PRKAG2: variants seen among roughly 807,000 people sequenced by gnomAD.
The protein encoded by PRKAG2 is 5'-AMP-activated protein kinase subunit gamma-2.
In PRKAG2, 26 loss-of-function variants were observed where a neutral mutation model predicts 69.6. The ratio of observed to expected loss-of-function variants is 0.37; its 90% confidence interval spans 0.27 to 0.52. The LOEUF (loss-of-function observed/expected upper bound fraction) is 0.52, where lower values mean the gene tolerates loss of function less well. Among genes scored for constraint, PRKAG2 ranks in the 20% least tolerant of loss-of-function variants. The probability of loss-of-function intolerance (pLI) is 0.90; values close to 1 mark genes in which losing one functional copy is unlikely to be tolerated. For missense variants in PRKAG2, 557 were observed against 740.0 expected (o/e 0.75, Z 2.87); for synonymous variants, 293 against 285.0 (o/e 1.03, Z -0.28).
At chr7:151,720,925 G>A (rs2032448118) in intron 3 of PRKAG2, among the ~76,000 whole-genome samples, 2 of 139,528 alleles carry the variant, frequency 1.4e-5, no homozygotes, top group South Asian at 5.1e-4. Context: ...AATGGAGGGG[G>A]ATGGAGAGGG....
rs1487633600 is a variant in PRKAG2, at chr7:151,780,890, T to C, written c.466+262A>G. 6.6e-6 allele frequency among the ~76,000 whole-genome samples: 1 copy of C among 152,212 alleles called. No individual in the cohort carries two copies. The highest frequency in any genetic ancestry group is 1.5e-5 in the Non-Finnish European group (1 of 68,036). On this transcript the variant is annotated intron_variant, in intron 3 of 15. Transcript: ENST00000287878. This position sits in a 1 kb window ranked among gnomAD's most constrained non-coding sequence, Gnocchi z 4.2. ...GCTGTACTGTGAGTATCAGGATGTT[T>C]ACAGTTAACCCAAGGACCTTGCTGG...
intron 5 of PRKAG2, among the ~76,000 whole-genome samples, chr7:151,608,526 C>A (rs1182657696): frequency 1.3e-5 from 2 of 152,110 alleles, no homozygotes; most frequent in African/African-American, 4.8e-5. Context: ...ATAATCCAGG[C>A]CCCTGGAAGG....
intron 4 of PRKAG2, among the ~76,000 whole-genome samples, chr7:151,671,543 G>C (rs1021043019): frequency 6.6e-6 from 1 of 151,174 alleles, no homozygotes. Flanking sequence ...AGAATGTAAT[G>C]ATATGTTCTC....
At chr7:151,621,354 G>A (rs1345165198) in intron 5 of PRKAG2, among the ~76,000 whole-genome samples, 15 of 152,030 alleles carry the variant, frequency 9.9e-5, no homozygotes, top group Non-Finnish European at 5.9e-5. Flanking sequence ...TGTAGCAGAA[G>A]AGGAATAAGA....
At chr7:151,767,098 T>A (rs142240004) in intron 3 of PRKAG2, among the ~76,000 whole-genome samples, 1 of 152,256 alleles carries the variant, frequency 6.6e-6, no homozygotes, top group South Asian at 2.1e-4. Context: ...GACATGTGCA[T>A]GGAAAAACCT....
At chr7:151,596,577 C>T (rs1368390395) in intron 5 of PRKAG2, among the ~76,000 whole-genome samples, 5 of 151,920 alleles carry the variant, frequency 3.3e-5, no homozygotes, top group African/African-American at 7.3e-5. Flanking sequence ...GGAGAAACCC[C>T]GTCTCTACTA....
chr7:151,681,955 C>G (rs12535248), intron 3 of PRKAG2, among the ~76,000 whole-genome samples: 40,898 of 152,120 alleles, frequency 0.27, 6,481 homozygotes, highest in Middle Eastern at 0.37. Flanking sequence ...GAGAAGGGCA[C>G]AGAGACGGAG....
At chr7:151,671,902 G>GA (rs1457410716) in intron 4 of PRKAG2, among the ~76,000 whole-genome samples, 1 of 152,214 alleles carries the variant, frequency 6.6e-6, no homozygotes, top group Non-Finnish European at 1.5e-5. Flanking sequence ...TGTAAGTGGG[G>GA]AGCCTTGGGC....
intron 4 of PRKAG2, among the ~76,000 whole-genome samples, chr7:151,659,929 C>T (rs1043587847): frequency 6.6e-6 from 1 of 152,238 alleles, no homozygotes; most frequent in African/African-American, 2.4e-5. Context: ...CGTGGTAGTG[C>T]ATGCCTGTAG....
At chr7:151,596,744 C>CA (rs144906522) in intron 5 of PRKAG2, among the ~76,000 whole-genome samples, 22,972 of 149,682 alleles carry the variant, frequency 0.15, 1,852 homozygotes, top group East Asian at 0.26. Flanking sequence ...GTGAGACTGT[C>CA]AAAAAAATAA....
intron 1 of PRKAG2, among the ~76,000 whole-genome samples, chr7:151,864,492 G>C (rs1012773241): frequency 6.6e-6 from 1 of 152,194 alleles, no homozygotes; most frequent in African/African-American, 2.4e-5. Context: ...CCCTAGAGGG[G>C]AGGTCTCCTG....
chr7:151,700,722 C>T (rs570669441), intron 3 of PRKAG2, among the ~76,000 whole-genome samples: 12 of 151,200 alleles, frequency 7.9e-5, no homozygotes, highest in Admixed American at 7.3e-4. Flanking sequence ...GCGTCCCAGG[C>T]CCTGGAGAAG....
At chr7:151,831,039 C>T (rs1054940607) in intron 1 of PRKAG2, among the ~76,000 whole-genome samples, 2 of 152,048 alleles carry the variant, frequency 1.3e-5, no homozygotes, top group Non-Finnish European at 2.9e-5. Flanking sequence ...GACACCACTT[C>T]ACACCCACTA....
In PRKAG2 at chr7:151,693,480, C is replaced by G. The variant is rs1484530260; in HGVS notation, c.467-17843G>C. ...GCCACGCTAGGCCCACGAGAGGGTT[C>G]TATGCAATGGCTGCACCTTGAGAGC... On this transcript the variant is annotated intron_variant, in intron 3 of 15. Transcript: ENST00000287878. Among the ~76,000 whole-genome samples, 4 of 152,204 alleles carry G rather than the reference C, an allele frequency of 2.6e-5. No individual in the cohort carries two copies. In the East Asian group the frequency reaches 7.7e-4, roughly 29 times the overall value.
intron 4 of PRKAG2, among the ~76,000 whole-genome samples, chr7:151,653,337 G>A (rs530617939): frequency 6.6e-6 from 1 of 152,138 alleles, no homozygotes; most frequent in Non-Finnish European, 1.5e-5. Context: ...TTCTAGTGCT[G>A]ATTAATATAG....
At chr7:151,779,099 A>G (rs1281187716) in intron 3 of PRKAG2, among the ~76,000 whole-genome samples, 1 of 152,242 alleles carries the variant, frequency 6.6e-6, no homozygotes, top group Non-Finnish European at 1.5e-5. Flanking sequence ...CAGTTACTGA[A>G]AGAAAACAGT....
At chr7:151,562,004 T>C (rs2150979454) in intron 14 of PRKAG2, among the ~76,000 whole-genome samples, 1 of 149,880 alleles carries the variant, frequency 6.7e-6, no homozygotes, top group South Asian at 2.1e-4. Flanking sequence ...CCCAGCACTT[T>C]GGGAGGCTGA....
intron 4 of PRKAG2, among the ~76,000 whole-genome samples, chr7:151,660,306 C>T (rs111361616): frequency 2.0e-5 from 3 of 152,162 alleles, no homozygotes; most frequent in Non-Finnish European, 2.9e-5. Context: ...TTCTCAAACC[C>T]GTAGCTGAGT....
At chr7:151,729,997 A>T (rs1798673184) in intron 3 of PRKAG2, among the ~76,000 whole-genome samples, 1 of 152,186 alleles carries the variant, frequency 6.6e-6, no homozygotes. Flanking sequence ...AGAAAGTAGA[A>T]TGGTGTTTGC....
Sources: gnomAD v4.1 joint callset for allele counts (sites outside exome capture counted in the v4.1 genomes callset) on GRCh38, gnomAD v4.1.1 for gene constraint, Gnocchi (gnomAD v3.1) non-coding constraint, MANE v1.5 for transcripts, NCBI Gene and HGNC (gene_info 2026-07-23, HGNC 2026-07-21) for gene names.